The following ZNF385B variants were observed in gnomAD, a reference collection of about 807,000 sequenced individuals.
ZNF385B encodes zinc finger protein 385B.
A neutral mutation model predicts 39.2 loss-of-function variants in ZNF385B; 23 were observed. The observed-to-expected ratio is 0.59, with a 90% CI of 0.42 to 0.83. The LOEUF (loss-of-function observed/expected upper bound fraction) is 0.83. ZNF385B is among the 40% of genes least tolerant of loss of function. The pLI is 0.00. For synonymous variants in ZNF385B, 205 were observed against 222.6 expected (o/e 0.92, Z 0.70); for missense variants, 552 against 598.9 (o/e 0.92, Z 0.82).
chr2:179,812,789 TTATG>T lies in ZNF385B; in HGVS notation c.-154-42121_-154-42118del, dbSNP rs1159636188. Among the ~76,000 whole-genome samples, 3 of 152,240 alleles carry T rather than the reference TTATG, an allele frequency of 2.0e-5. 1 individual carries two copies. The highest frequency in any genetic ancestry group is 4.1e-4 in the South Asian group (2 of 4,822). On this transcript the variant is annotated intron_variant, in intron 1 of 9. Coordinates refer to ENST00000410066, the MANE Select transcript of ZNF385B (RefSeq NM_152520.6). ...AAGCACATTTATATATTTCCAAAGA[TTATG>T]TATTTATTTTACTTTCTTTGAAAGC... is the stretch of plus-strand genomic sequence containing the variant.
At chr2:179,486,370 A>T (rs1221114852) in intron 5 of ZNF385B, among the ~76,000 whole-genome samples, 1 of 152,194 alleles carries the variant, frequency 6.6e-6, no homozygotes, top group Non-Finnish European at 1.5e-5. Context: ...AAGCCATGGT[A>T]GATATAAAAT....
intron 6 of ZNF385B, among the ~76,000 whole-genome samples, chr2:179,469,877 T>C (rs186178312): frequency 1.3e-3 from 197 of 152,340 alleles, no homozygotes; most frequent in African/African-American, 4.3e-3. Flanking sequence ...ATCTGCCTTG[T>C]GCCCTTCGCT....
At chr2:179,656,034 T>C (rs555339956) in intron 3 of ZNF385B, among the ~76,000 whole-genome samples, 1 of 152,306 alleles carries the variant, frequency 6.6e-6, no homozygotes, top group Non-Finnish European at 1.5e-5. Context: ...ATAGGTTTGG[T>C]TACTGGTTTA....
chr2:179,676,651 G>A (rs1462936869), intron 3 of ZNF385B, among the ~76,000 whole-genome samples: 1 of 152,238 alleles, frequency 6.6e-6, no homozygotes, highest in Non-Finnish European at 1.5e-5. Context: ...ATCATCTGCT[G>A]AGAGATGACA....
At chr2:179,716,208 T>C (rs543242749) in intron 3 of ZNF385B, among the ~76,000 whole-genome samples, 15 of 152,274 alleles carry the variant, frequency 9.9e-5, no homozygotes, top group Non-Finnish European at 1.9e-4. Flanking sequence ...TAGTGACAAA[T>C]AGGCCCAGAG....
At chr2:179,765,930 C>T (rs553952794) in intron 3 of ZNF385B, among the ~76,000 whole-genome samples, 18 of 151,916 alleles carry the variant, frequency 1.2e-4, no homozygotes, top group South Asian at 4.2e-4. Context: ...TCTCTTTCAC[C>T]GCCCAGAGTA....
At chr2:179,726,916 G>A (rs766285800) in intron 3 of ZNF385B, among the ~76,000 whole-genome samples, 26 of 152,056 alleles carry the variant, frequency 1.7e-4, no homozygotes, top group Non-Finnish European at 3.1e-4. Flanking sequence ...GATGTTGACT[G>A]GACATTGAGC....
intron 3 of ZNF385B, among the ~76,000 whole-genome samples, chr2:179,766,225 C>T (rs1166937947): frequency 1.3e-5 from 2 of 152,022 alleles, no homozygotes; most frequent in Non-Finnish European, 2.9e-5. Flanking sequence ...CAACCATCAC[C>T]CTGTGGACCC....
At position 179,789,155 on chromosome 2, in the gene ZNF385B, G is replaced by GA. The variant is rs879540543; in HGVS notation, c.-154-18484dup. 1.1e-3 allele frequency among the ~76,000 whole-genome samples: 160 copies of GA among 150,384 alleles called. 1 individual carries two copies. Among genetic ancestry groups the GA allele is most frequent in the African/African-American group, 2.6e-3 (105 of 41,008 alleles). The stretch of plus-strand genomic sequence containing the variant: ...TCGACTTTGACTTAATTCTATTATA[G>GA]AAAAAAAAACCCTGGAAAATAGTGA... On this transcript the variant is annotated intron_variant, in intron 1 of 9. Coordinates refer to ENST00000410066, the MANE Select transcript of ZNF385B (RefSeq NM_152520.6).
chr2:179,489,780 G>C (rs2055001813), intron 5 of ZNF385B, among the ~76,000 whole-genome samples: 1 of 152,160 alleles, frequency 6.6e-6, no homozygotes, highest in Non-Finnish European at 1.5e-5. Context: ...ATTTGCAATT[G>C]TAAGGCCTGC....
chr2:179,486,790 C>T (rs529099977), intron 5 of ZNF385B, among the ~76,000 whole-genome samples: 1 of 152,238 alleles, frequency 6.6e-6, no homozygotes, highest in African/African-American at 2.4e-5. Context: ...ATGGCACATG[C>T]CTGTAGTCCC....
intron 4 of ZNF385B, among the ~76,000 whole-genome samples, chr2:179,525,956 C>CA (rs1476794490): frequency 2.0e-5 from 3 of 149,532 alleles, no homozygotes; most frequent in Non-Finnish European, 3.0e-5. Context: ...GATACAGCAA[C>CA]AACAAAGATA....
chr2:179,544,093 G>T (rs1051886854), intron 4 of ZNF385B, among the ~76,000 whole-genome samples: 1 of 152,078 alleles, frequency 6.6e-6, no homozygotes, highest in African/African-American at 2.4e-5. Flanking sequence ...TTACTATAAG[G>T]TTTAGAATCT....
intron 1 of ZNF385B, among the ~76,000 whole-genome samples, chr2:179,822,613 C>T (rs1180266994): frequency 6.6e-6 from 1 of 152,082 alleles, no homozygotes; most frequent in African/African-American, 2.4e-5. Context: ...AAAGACCCTC[C>T]CTAGACTTTT....
intron 3 of ZNF385B, among the ~76,000 whole-genome samples, chr2:179,595,631 T>A (rs963494870): frequency 6.6e-6 from 1 of 151,744 alleles, no homozygotes; most frequent in African/African-American, 2.4e-5. Flanking sequence ...ATTCTTTTTT[T>A]TTTTTTCTTC....
chr2:179,704,367 C>G (rs537197426), intron 3 of ZNF385B, among the ~76,000 whole-genome samples: 2 of 152,204 alleles, frequency 1.3e-5, no homozygotes, highest in African/African-American at 4.8e-5. Context: ...AGTAGTAACT[C>G]TAGGATGTAG....
At chr2:179,547,385 T>G (rs1276529077) in intron 3 of ZNF385B, among the ~76,000 whole-genome samples, 1 of 149,788 alleles carries the variant, frequency 6.7e-6, no homozygotes, top group Admixed American at 6.6e-5. Context: ...TTTGATTTTA[T>G]TTTTGTATAT....
chr2:179,499,598 C>T (rs1042689276), intron 5 of ZNF385B, among the ~76,000 whole-genome samples: 7 of 151,936 alleles, frequency 4.6e-5, no homozygotes, highest in Admixed American at 4.6e-4. Flanking sequence ...AACATCCCTT[C>T]ATGATAAAAA....
intron 3 of ZNF385B, among the ~76,000 whole-genome samples, chr2:179,639,674 T>C (rs182294360): frequency 4.7e-4 from 72 of 152,130 alleles, no homozygotes; most frequent in African/African-American, 1.7e-3. Flanking sequence ...AACTAATACA[T>C]GTAAAAGTAA....
Sources: gnomAD v4.1 joint callset for allele counts (sites outside exome capture counted in the v4.1 genomes callset) on GRCh38, gnomAD v4.1.1 for gene constraint, MANE v1.5 for transcripts, NCBI Gene and HGNC (gene_info 2026-07-23, HGNC 2026-07-21) for gene names.